STAB2: variants seen among roughly 807,000 people sequenced by gnomAD.
STAB2 encodes the protein stabilin 2, also known as stabilin-2.
A neutral mutation model predicts 338.1 loss-of-function variants in STAB2; 288 were observed. The observed-to-expected ratio is 0.85, with a 90% CI of 0.77 to 0.94. STAB2 has a LOEUF of 0.94. STAB2 is among the 40% of genes least tolerant of loss of function. The probability of loss-of-function intolerance (pLI) is 0.00; values close to 1 mark genes in which losing one functional copy is unlikely to be tolerated. For synonymous variants in STAB2, 1,202 were observed against 1,193.3 expected, an observed-to-expected ratio of 1.01 and a Z score of -0.15; for missense variants, 3,141 against 3,210.1, an observed-to-expected ratio of 0.98 and a Z score of 0.52.
intron 47 of STAB2, 149 bp downstream of exon 47, chr12:103,727,499 G>C (rs1044064672): frequency 1.1e-6 from 1 of 873,940 alleles, no homozygotes; most frequent in African/African-American, 1.7e-5. Flanking sequence ...CTGCCTCTTG[G>C]CACAGGGACC....
chr12:103,638,277 A>G (rs1957584604), intron 8 of STAB2, 65 bp downstream of exon 8: 2 of 1,526,882 alleles, frequency 1.3e-6, no homozygotes, highest in Non-Finnish European at 1.8e-6. Flanking sequence ...TGTCACAGGT[A>G]TCATTTGTCT....
intron 34 of STAB2, 86 bp from the exon 35 acceptor site, chr12:103,703,062 T>C (rs759948748): frequency 1.7e-5 from 24 of 1,429,878 alleles, no homozygotes; most frequent in Non-Finnish European, 2.2e-5. Flanking sequence ...TCCTAGGCAA[T>C]TGTCCTATTG....
intron 3 of STAB2, among the ~76,000 whole-genome samples, chr12:103,615,391 T>C (rs1384496621): frequency 6.6e-6 from 1 of 152,142 alleles, no homozygotes; most frequent in African/African-American, 2.4e-5. Flanking sequence ...TATATGTAGG[T>C]CTGAGAAAAA....
intron 3 of STAB2, among the ~76,000 whole-genome samples, chr12:103,608,654 G>T (rs1957072366): frequency 6.6e-6 from 1 of 152,144 alleles, no homozygotes; most frequent in Admixed American, 6.5e-5. Context: ...CACTCTGACG[G>T]TAGTTTCTTT....
intron 30 of STAB2, among the ~76,000 whole-genome samples, chr12:103,692,253 T>G (rs1320420918): frequency 6.6e-6 from 1 of 152,198 alleles, no homozygotes; most frequent in Non-Finnish European, 1.5e-5. Context: ...AATTCCTGCT[T>G]CTTGTGAGAA....
intron 56 of STAB2, among the ~76,000 whole-genome samples, chr12:103,744,344 G>A (rs1882826588): frequency 6.6e-6 from 1 of 151,598 alleles, no homozygotes; most frequent in Non-Finnish European, 1.5e-5. Context: ...TAGAGATTGA[G>A]TCTCCCTATG....
intron 3 of STAB2, among the ~76,000 whole-genome samples, chr12:103,613,041 T>C (rs1022463157): frequency 3.3e-5 from 5 of 152,188 alleles, no homozygotes; most frequent in African/African-American, 7.2e-5. Context: ...TGATTGTTCC[T>C]CTAGAAGTTT....
intron 28 of STAB2, 132 bp from the exon 29 acceptor site, chr12:103,689,714 T>G: frequency 9.1e-7 from 1 of 1,102,822 alleles, no homozygotes; most frequent in Non-Finnish European, 1.3e-6. Context: ...GTGGGTGGGG[T>G]GGATTTGGGA....
At chr12:103,668,533 A>T (rs992108984) in intron 19 of STAB2, 110 bp from the exon 20 acceptor site, 1 of 980,444 alleles carries the variant, frequency 1.0e-6, no homozygotes, top group Non-Finnish European at 1.6e-6. Context: ...CTCTCTCCTG[A>T]CGTCAGTGGT....
intron 3 of STAB2, among the ~76,000 whole-genome samples, chr12:103,615,214 G>A (rs939829852): frequency 4.6e-5 from 7 of 151,850 alleles, no homozygotes; most frequent in African/African-American, 1.7e-4. Flanking sequence ...GCTTCCAAAA[G>A]GGAGATGTCA....
intron 26 of STAB2, among the ~76,000 whole-genome samples, 173 bp from the exon 27 acceptor site, chr12:103,684,816 C>T (rs1485926394): frequency 6.6e-6 from 1 of 152,192 alleles, no homozygotes; most frequent in Non-Finnish European, 1.5e-5. Context: ...CTGCATCAAA[C>T]ATGCAGACAG....
intron 3 of STAB2, among the ~76,000 whole-genome samples, chr12:103,617,053 A>C (rs1212368723): frequency 6.6e-6 from 1 of 152,216 alleles, no homozygotes; most frequent in African/African-American, 2.4e-5. Flanking sequence ...AGCTTTTGCC[A>C]TCTGTTGAGA....
At chr12:103,631,173 C>T (rs1957455114) in intron 5 of STAB2, among the ~76,000 whole-genome samples, 1 of 152,158 alleles carries the variant, frequency 6.6e-6, no homozygotes, top group Admixed American at 6.5e-5. Context: ...CCTTGCATCA[C>T]CCCATCAATA....
At chr12:103,739,526 CCTGTGTGTGTGTGTGT>C in intron 54 of STAB2, 58 bp downstream of exon 54, 1 of 1,028,558 alleles carries the variant, frequency 9.7e-7, no homozygotes, top group Non-Finnish European at 1.4e-6. Context: ...CATTATCAGA[CCTGTGTGTGTGTGTGT>C]GTGTGTGTGT....
chr12:103,761,892 T>C lies in STAB2; in HGVS notation c.7360-382T>C, dbSNP rs1884567674. Among the ~76,000 whole-genome samples, 3 of 152,286 alleles carry C rather than the reference T, an allele frequency of 2.0e-5. No homozygotes were observed. The South Asian group carries it at 6.2e-4, about 32-fold the overall frequency. ...GTGATGGTGGTTGTTAGTATTCTTT[T>C]TTGCAAAAGCATGAGGGGAGAGGTG... is the stretch of plus-strand genomic sequence containing the variant. On this transcript the variant is annotated intron_variant, in intron 66 of 68. Transcript: ENST00000388887.
intron 3 of STAB2, among the ~76,000 whole-genome samples, chr12:103,597,439 A>G (rs1956893845): frequency 6.6e-6 from 1 of 152,226 alleles, no homozygotes; most frequent in Non-Finnish European, 1.5e-5. Context: ...AAAAATTAAT[A>G]TATCTCACTC....
chr12:103,749,841 C>CAAAAAAAAAAA lies in STAB2; in HGVS notation c.6438+706_6439-707dup, dbSNP rs369556936. ...GGTGACAGAGCAAGACTCTGTCTCA[C>CAAAAAAAAAAA]AAAAAAAAAAAAAAAAAAAAAAAAA... On this transcript the variant is annotated intron_variant, in intron 59 of 68. Coordinates refer to ENST00000388887, the MANE Select transcript of STAB2 (RefSeq NM_017564.10). Among the ~76,000 whole-genome samples the CAAAAAAAAAAA allele has an allele frequency of 1.1e-3, 56 of 51,158 alleles. 3 individuals are homozygous for CAAAAAAAAAAA. The highest frequency in any genetic ancestry group is 1.3e-3 in the African/African-American group (18 of 14,058). The allele number at this position is 51,158 out of a possible 152,430, so 33.6% of individuals were successfully genotyped here.
intron 39 of STAB2, among the ~76,000 whole-genome samples, chr12:103,709,965 A>G (rs1879704332): frequency 6.6e-6 from 1 of 152,116 alleles, no homozygotes; most frequent in African/African-American, 2.4e-5. Context: ...CTCAGCTTCC[A>G]TACCTCCTTG....
chr12:103,633,677 G>A (rs1275884294), intron 6 of STAB2, among the ~76,000 whole-genome samples: 2 of 152,190 alleles, frequency 1.3e-5, no homozygotes, highest in Admixed American at 6.5e-5. Flanking sequence ...CTGAGACTCC[G>A]TCTCAAAAAG....
Sources: allele counts gnomAD v4.1 joint callset (sites outside exome capture counted in the v4.1 genomes callset), GRCh38; gene constraint gnomAD v4.1.1; transcripts MANE v1.5; gene names NCBI Gene and HGNC (gene_info 2026-07-23, HGNC 2026-07-21).